TOGARAM2: variants seen among roughly 807,000 people sequenced by gnomAD.
TOGARAM2 encodes the protein TOG array regulator of axonemal microtubules protein 2.
TOGARAM2 carries 85 observed loss-of-function variants against 93.3 expected under a neutral mutation model. The ratio of observed to expected loss-of-function variants is 0.91; its 90% CI spans 0.76 to 1.09. The LOEUF (loss-of-function observed/expected upper bound fraction) is 1.09. Among genes scored for constraint, TOGARAM2 ranks in the 50% least tolerant of loss-of-function variants. The pLI, the probability that TOGARAM2 is intolerant of heterozygous loss-of-function variation, is 0.00. For missense variants in TOGARAM2, 1,277 were observed against 1,334.5 expected, an observed-to-expected ratio of 0.96 and a Z score of 0.67; for synonymous variants, 593 against 552.8, an observed-to-expected ratio of 1.07 and a Z score of -1.02.
chr2:29,040,325 T>C (rs2148387137), intron 18 of TOGARAM2, among the ~76,000 whole-genome samples: 1 of 152,332 alleles, frequency 6.6e-6, no homozygotes, highest in East Asian at 1.9e-4. Flanking sequence ...GTCATACTTA[T>C]TTTGAATAAA....
At chr2:29,041,852 T>C (rs759339458) in intron 18 of TOGARAM2, among the ~76,000 whole-genome samples, 1 of 152,232 alleles carries the variant, frequency 6.6e-6, no homozygotes. Flanking sequence ...CTCTCTACCA[T>C]TGTGGTTGCT....
At position 29,024,138 on chromosome 2, in the gene TOGARAM2, G is replaced by T; in HGVS notation, c.1618-1G>T. The stretch of plus-strand genomic sequence containing the variant: ...TGGAGGGCCTCTCTCCTCTCTCCAA[G>T]GTCACCAACCTGCGGTCCAAGGTGT... On this transcript the variant is annotated splice_acceptor_variant, in intron 12 of 19. Transcript: ENST00000379558. LOFTEE classifies it high-confidence loss of function. 2.6e-6 allele frequency: 4 copies of T among 1,567,350 alleles called. No individual in the cohort carries two copies. The highest frequency in any genetic ancestry group is 3.5e-6 in the Non-Finnish European group (4 of 1,155,834).
upstream of TOGARAM2, among the ~76,000 whole-genome samples, chr2:28,978,901 C>A (rs1056599242): frequency 6.6e-6 from 1 of 152,082 alleles, no homozygotes; most frequent in African/African-American, 2.4e-5. Flanking sequence ...CGCCCTTCCA[C>A]CAGGGGTCGA....
At position 29,029,264 on chromosome 2, in the gene TOGARAM2, T is replaced by TACACACACACACAC. The variant is rs146395549; in HGVS notation, c.2012+2274_2012+2287dup. Among the ~76,000 whole-genome samples, 964 of 147,960 alleles carry TACACACACACACAC rather than the reference T, an allele frequency of 6.5e-3. 5 individuals are homozygous for TACACACACACACAC. Among genetic ancestry groups the TACACACACACACAC allele is most frequent in the Admixed American group, 0.011 (168 of 14,848 alleles). On this transcript the variant is annotated intron_variant, in intron 14 of 19. Coordinates refer to ENST00000379558, the MANE Select transcript of TOGARAM2 (RefSeq NM_199280.4). ...TGATATGTATGTATGTATGTGTGTA[T>TACACACACACACAC]ACACACACACACACACACACACACA... is the stretch of plus-strand genomic sequence containing the variant.
chr2:29,029,300 G>GACAC, intron 14 of TOGARAM2, among the ~76,000 whole-genome samples: 1 of 86,092 alleles, frequency 1.2e-5, no homozygotes, highest in Non-Finnish European at 2.8e-5. Context: ...CACACACACT[G>GACAC]GAATACTTAG....
In TOGARAM2 at chr2:29,017,181, C is replaced by T. The variant is rs543539008; in HGVS notation, c.1072C>T (p.Arg358Trp). 36 of 1,613,732 alleles carry T rather than the reference C, an allele frequency of 2.2e-5. No individual in the cohort carries two copies. Among genetic ancestry groups the T allele is most frequent in the African/African-American group, 1.2e-4 (9 of 75,016 alleles). ...KIQVTISKSA[R>W]EKMQLKQMKE... The stretch of plus-strand genomic sequence containing the variant: ...CCAAGTCACCATCTCCAAGTCTGCC[C>T]GGGAGAAGATGCAGCTGAAGCAGAT... The change falls in exon 9 of 20, where the codon CGG (arginine) becomes TGG (tryptophan). Residue 358 changes from arginine (R) to tryptophan (W), a missense_variant. Transcript: ENST00000379558.
intron 1 of TOGARAM2, among the ~76,000 whole-genome samples, chr2:28,958,870 C>T (rs142049969): frequency 2.6e-5 from 4 of 152,146 alleles, no homozygotes; most frequent in Admixed American, 2.0e-4. Context: ...TGGTTCTGGC[C>T]GCCTCCTGTC....
At chr2:29,035,829 G>C (rs1438539566) in intron 17 of TOGARAM2, among the ~76,000 whole-genome samples, 173 bp downstream of exon 17, 1 of 152,256 alleles carries the variant, frequency 6.6e-6, no homozygotes, top group Non-Finnish European at 1.5e-5. Flanking sequence ...ACCGCCTCCT[G>C]CCGGCAGCTT....
intron 13 of TOGARAM2, among the ~76,000 whole-genome samples, chr2:29,026,339 G>C (rs1322620379): frequency 6.6e-6 from 1 of 152,202 alleles, no homozygotes; most frequent in East Asian, 1.9e-4. Context: ...TCCTAGTCAA[G>C]GGAGACAGAT....
At chr2:29,015,108 C>G (rs192346277) in intron 8 of TOGARAM2, among the ~76,000 whole-genome samples, 1 of 152,170 alleles carries the variant, frequency 6.6e-6, no homozygotes, top group East Asian at 1.9e-4. Context: ...GGAGCCTGTG[C>G]TCATTCTTTG....
In TOGARAM2 at chr2:29,002,736, G is replaced by A. The variant is rs143410452; in HGVS notation, c.628G>A (p.Gly210Ser). The A allele has an allele frequency of 1.4e-5, 22 of 1,613,180 alleles. No homozygotes were observed. The East Asian group carries it at 1.8e-4, about 13-fold the overall frequency. ...SIPGPHELRP[G>S]AQEAQISWQY... ...TCCGGGTCCTCACGAGTTGAGACCCGGTGCTCAGGAGGTAAGGTGGTTCGA... is the reference window on the plus strand; with the variant it reads ...TCCGGGTCCTCACGAGTTGAGACCCAGTGCTCAGGAGGTAAGGTGGTTCGA... The change falls in exon 5 of 20, where the codon GGT becomes AGT. Residue 210 changes from glycine to serine, a missense_variant. By Grantham distance (56) the Gly-to-Ser change is moderately conservative. Transcript: ENST00000379558.
At chr2:28,959,564 T>C (rs543303964) in intron 1 of TOGARAM2, among the ~76,000 whole-genome samples, 47 of 152,052 alleles carry the variant, frequency 3.1e-4, no homozygotes, top group Non-Finnish European at 5.9e-4. Context: ...CCATCCTGGC[T>C]AACATGCTGA....
chr2:29,002,085 G>A (rs1366043788), intron 4 of TOGARAM2, among the ~76,000 whole-genome samples: 1 of 152,100 alleles, frequency 6.6e-6, no homozygotes. Flanking sequence ...AAACAGCTAC[G>A]CCCCACATCA....
At chr2:28,964,803 T>A (rs1296676030) in intron 1 of TOGARAM2, among the ~76,000 whole-genome samples, 1 of 152,214 alleles carries the variant, frequency 6.6e-6, no homozygotes, top group Non-Finnish European at 1.5e-5. Flanking sequence ...TCCATTTCCC[T>A]GCAAAGAACA....
chr2:29,050,938 AGAG>A (rs1481390057), intron 19 of TOGARAM2: 4 of 152,438 alleles, frequency 2.6e-5, no homozygotes, highest in Non-Finnish European at 2.9e-5. Flanking sequence ...CGGGGTTTAG[AGAG>A]GGTTGGGGGC....
rs1472783703 is a variant in TOGARAM2 at position 28,985,933 on chromosome 2, G to A, written c.-111+4395G>A. On this transcript the variant is annotated intron_variant, in intron 1 of 19. Transcript: ENST00000379558. ...AGCCTGGCCAACATGGCAAAACCCCGTCACTACTAATAATACACACAAAAA... is the reference window on the plus strand; with the variant it reads ...AGCCTGGCCAACATGGCAAAACCCCATCACTACTAATAATACACACAAAAA... Among the ~76,000 whole-genome samples the A allele has an allele frequency of 6.6e-5, 10 of 151,850 alleles. No individual in the cohort carries two copies. In the East Asian group the frequency reaches 1.2e-3, roughly 18 times the overall value.
At chr2:29,030,275 CAA>C (rs1665687466) in intron 14 of TOGARAM2, among the ~76,000 whole-genome samples, 1 of 151,732 alleles carries the variant, frequency 6.6e-6, no homozygotes, top group Non-Finnish European at 1.5e-5. Context: ...GACCCTGTCT[CAA>C]AAAAATAAAT....
intron 6 of TOGARAM2, among the ~76,000 whole-genome samples, chr2:29,006,369 CATGTGTATGT>C (rs1663857070): frequency 7.8e-6 from 1 of 128,310 alleles, no homozygotes; most frequent in Non-Finnish European, 1.6e-5. Context: ...CATGTGTGTG[CATGTGTATGT>C]GTGTGAGTGC....
chr2:29,001,546 TC>T (rs1322690755), intron 4 of TOGARAM2, among the ~76,000 whole-genome samples: 1 of 150,810 alleles, frequency 6.6e-6, no homozygotes, highest in African/African-American at 2.4e-5. Flanking sequence ...TGTTGCCCAG[TC>T]TAGAGTGCAG....
Sources: allele counts gnomAD v4.1 joint callset (sites outside exome capture counted in the v4.1 genomes callset), GRCh38; gene constraint gnomAD v4.1.1; transcripts MANE v1.5; gene names NCBI Gene and HGNC (gene_info 2026-07-23, HGNC 2026-07-21).